CDS1: variants seen among roughly 807,000 people sequenced by gnomAD.
CDS1 encodes CDP-diacylglycerol synthase 1, also known as phosphatidate cytidylyltransferase 1.
Under a neutral mutation model 62.1 loss-of-function variants are expected in CDS1, and 41 were observed. That is an observed-to-expected ratio of 0.66 (90% confidence interval 0.51 to 0.86). The LOEUF is 0.86. CDS1 is among the 40% of genes least tolerant of loss of function. CDS1 has a pLI of 0.00. For synonymous variants in CDS1, 185 were observed against 192.6 expected, an observed-to-expected ratio of 0.96 and a Z score of 0.32; for missense variants, 470 against 550.1, an observed-to-expected ratio of 0.85 and a Z score of 1.46.
intron 1 of CDS1, among the ~76,000 whole-genome samples, chr4:84,595,815 T>G (rs1722731448): frequency 6.6e-6 from 1 of 152,186 alleles, no homozygotes; most frequent in South Asian, 2.1e-4. Context: ...TCCATGGAGT[T>G]TTTTTCTTCT....
intron 1 of CDS1, among the ~76,000 whole-genome samples, chr4:84,596,894 A>G (rs1008856043): frequency 1.3e-5 from 2 of 152,096 alleles, no homozygotes; most frequent in Non-Finnish European, 2.9e-5. Flanking sequence ...TTGAGAGGCT[A>G]AGACTCTTCA....
intron 1 of CDS1, among the ~76,000 whole-genome samples, chr4:84,598,485 T>C (rs1057354721): frequency 2.6e-5 from 4 of 151,972 alleles, no homozygotes; most frequent in African/African-American, 9.7e-5. Context: ...TACATATGTA[T>C]ACTCACTTTT....
At chr4:84,624,418 T>C (rs1723794102) in intron 5 of CDS1, among the ~76,000 whole-genome samples, 1 of 151,976 alleles carries the variant, frequency 6.6e-6, no homozygotes, top group African/African-American at 2.4e-5. Context: ...ATCTGGAGGC[T>C]TACTACTGTT....
At chr4:84,634,754 C>T (rs1578048936) in intron 7 of CDS1, among the ~76,000 whole-genome samples, 3 of 152,080 alleles carry the variant, frequency 2.0e-5, no homozygotes, top group African/African-American at 7.2e-5. Flanking sequence ...ATTGATGGGG[C>T]AGTTACTGAA....
intron 1 of CDS1, among the ~76,000 whole-genome samples, chr4:84,584,261 G>T (rs1722346854): frequency 6.6e-6 from 1 of 152,144 alleles, no homozygotes; most frequent in South Asian, 2.1e-4. Flanking sequence ...AAAGGAATTC[G>T]GGCGTGTTTG....
At chr4:84,626,749 C>A (rs116597004) in intron 5 of CDS1, among the ~76,000 whole-genome samples, 1,726 of 152,290 alleles carry the variant, frequency 0.011, 27 homozygotes, top group African/African-American at 0.04. Context: ...CATGGTGTAC[C>A]TCTCTTGTTT....
Position 84,648,739 on chromosome 4 carries a change from G to A in CDS1, c.*53G>A. The A allele has an allele frequency of 6.6e-7, 1 of 1,524,066 alleles. No homozygotes were observed. The highest frequency in any genetic ancestry group is 8.9e-7 in the Non-Finnish European group (1 of 1,123,618). The allele number at this position is 1,524,066 out of a possible 1,614,324, so 94.4% of individuals were successfully genotyped here. ...AGAAGGAATTATTCAGAAAAACACTGACAGATGTTTTATAAATTGTACAGA... is the reference window on the plus strand; with the variant it reads ...AGAAGGAATTATTCAGAAAAACACTAACAGATGTTTTATAAATTGTACAGA... On this transcript the variant is annotated 3_prime_UTR_variant, in exon 13 of 13. Transcript: ENST00000295887.
At chr4:84,597,540 G>C (rs1490670380) in intron 1 of CDS1, among the ~76,000 whole-genome samples, 1 of 152,136 alleles carries the variant, frequency 6.6e-6, no homozygotes, top group Non-Finnish European at 1.5e-5. Flanking sequence ...TTGAGTGGCT[G>C]AGGTGGGAGG....
intron 1 of CDS1, among the ~76,000 whole-genome samples, chr4:84,597,217 A>T (rs552542058): frequency 5.9e-4 from 90 of 152,242 alleles, no homozygotes; most frequent in South Asian, 2.5e-3. Flanking sequence ...GCGGAGAAAG[A>T]TTTGGGGACG....
intron 3 of CDS1, among the ~76,000 whole-genome samples, 181 bp downstream of exon 3, chr4:84,609,706 A>T (rs1414347693): frequency 1.3e-5 from 2 of 152,200 alleles, no homozygotes; most frequent in Non-Finnish European, 2.9e-5. Context: ...TCTGTTTGCA[A>T]AATGACTATT....
chr4:84,599,836 A>G (rs1234306295), intron 1 of CDS1, among the ~76,000 whole-genome samples: 1 of 152,160 alleles, frequency 6.6e-6, no homozygotes, highest in East Asian at 1.9e-4. Flanking sequence ...TAAAGCTACC[A>G]TGAACATTTG....
At position 84,649,328 on chromosome 4, in the gene CDS1, A is replaced by G. The variant is rs1181239492; in HGVS notation, c.*642A>G. On this transcript the variant is annotated 3_prime_UTR_variant, in exon 13 of 13. Transcript: ENST00000295887. The stretch of plus-strand genomic sequence containing the variant: ...GATTGGTTTGTTAGAAAGAGCAGGC[A>G]TCAGACTACTTCTGATAAAATTGTT... 1 of 152,296 alleles carries G rather than the reference A, an allele frequency of 6.6e-6. No homozygotes were observed. Among genetic ancestry groups the G allele is most frequent in the Admixed American group, 6.5e-5 (1 of 15,290 alleles). The allele number at this position is 152,296 out of a possible 1,614,324, so 9.4% of individuals were successfully genotyped here.
chr4:84,643,239 C>G (rs1426664581), intron 11 of CDS1, 96 bp downstream of exon 11: 56 of 1,162,820 alleles, frequency 4.8e-5, no homozygotes, highest in Non-Finnish European at 6.7e-5. Flanking sequence ...CATTAAGCCC[C>G]TAGGCCACAA....
At chr4:84,634,784 T>C (rs1724126651) in intron 7 of CDS1, among the ~76,000 whole-genome samples, 1 of 152,216 alleles carries the variant, frequency 6.6e-6, no homozygotes. Context: ...TTCTGTACAT[T>C]CAGTAGGGTT....
At chr4:84,615,509 C>G (rs554693182) in intron 3 of CDS1, among the ~76,000 whole-genome samples, 63 of 152,156 alleles carry the variant, frequency 4.1e-4, no homozygotes, top group Non-Finnish European at 8.4e-4. Context: ...CCTAGTAGTT[C>G]CCTTAATACG....
chr4:84,584,278 T>C (rs949010581), intron 1 of CDS1, among the ~76,000 whole-genome samples: 5 of 152,220 alleles, frequency 3.3e-5, no homozygotes, highest in Non-Finnish European at 7.3e-5. Context: ...TTTGGTAATA[T>C]AGTGGTGCAA....
At chr4:84,632,108 AT>A (rs1239958889) in intron 6 of CDS1, among the ~76,000 whole-genome samples, 2 of 152,152 alleles carry the variant, frequency 1.3e-5, no homozygotes, top group Admixed American at 1.3e-4. Flanking sequence ...TTCTTTGAAT[AT>A]TTTCAAATGG....
rs1315836701 is a variant in CDS1 at position 84,594,464 on chromosome 4, T to TA, written c.118-9778dup. Among the ~76,000 whole-genome samples, 3 of 152,260 alleles carry TA rather than the reference T, an allele frequency of 2.0e-5. 1 individual carries two copies. The East Asian group carries it at 5.8e-4, about 29-fold the overall frequency. On this transcript the variant is annotated intron_variant, in intron 1 of 12. Transcript: ENST00000295887. ...CCTTTATAGATATACATTTTTTTTT[T>TA]ACAAAATAACTGCATTTCAGAGCTA... is the stretch of plus-strand genomic sequence containing the variant.
chr4:84,621,342 A>G (rs1723680668), intron 5 of CDS1, among the ~76,000 whole-genome samples: 1 of 152,160 alleles, frequency 6.6e-6, no homozygotes, highest in Non-Finnish European at 1.5e-5. Context: ...TATACAGAGT[A>G]TGTGGGGAAG....
Sources: allele counts gnomAD v4.1 joint callset (sites outside exome capture counted in the v4.1 genomes callset), GRCh38; gene constraint gnomAD v4.1.1; transcripts MANE v1.5; gene names NCBI Gene and HGNC (gene_info 2026-07-23, HGNC 2026-07-21).